The following DOCK6 variants were observed in gnomAD, a reference collection of about 807,000 sequenced individuals.
DOCK6 encodes the protein dedicator of cytokinesis protein 6.
DOCK6 carries 167 observed loss-of-function variants against 230.3 expected under a neutral mutation model. The ratio of observed to expected loss-of-function variants is 0.73; its 90% CI spans 0.64 to 0.82. The LOEUF is 0.82. Among genes scored for constraint, DOCK6 ranks in the 40% least tolerant of loss-of-function variants. DOCK6 has a pLI of 0.00. For missense variants in DOCK6, 2,598 were observed against 2,825.8 expected, an observed-to-expected ratio of 0.92 and a Z score of 1.83; for synonymous variants, 1,148 against 1,185.0, an observed-to-expected ratio of 0.97 and a Z score of 0.64.
intron 39 of DOCK6, among the ~76,000 whole-genome samples, chr19:11,204,630 C>G: frequency 6.6e-6 from 1 of 152,136 alleles, no homozygotes; most frequent in East Asian, 1.9e-4. Context: ...ACCTCCAACT[C>G]CTGGGCTCAA....
At position 11,222,019 on chromosome 19, in the gene DOCK6, C is replaced by G. The variant is rs2079587796; in HGVS notation, c.3382G>C (p.Ala1128Pro). 6.2e-7 allele frequency: 1 copy of G among 1,609,794 alleles called. No homozygotes were observed. Among genetic ancestry groups the G allele is most frequent in the African/African-American group, 1.3e-5 (1 of 74,848 alleles). Residue 1128 changes from alanine to proline, a missense_variant and splice_region_variant, in exon 28 of 48, where the codon GCA becomes CCA. By Grantham distance (27) the Ala-to-Pro change is conservative. Coordinates refer to ENST00000294618, the MANE Select transcript of DOCK6 (RefSeq NM_020812.4). This position sits in a 1 kb window ranked among gnomAD's most constrained non-coding sequence, Gnocchi z 4.0. Reference protein sequence around the residue: ...ALALEPEAEGAFLLHKKAISA... With the variant: ...ALALEPEAEGPFLLHKKAISA... Reference sequence around the variant, plus strand: ...ATGGCCTTCTTGTGCAACAGGAATGCCCTATGGGGTAATGAGGTGCTCAGG... The same window carrying G: ...ATGGCCTTCTTGTGCAACAGGAATGGCCTATGGGGTAATGAGGTGCTCAGG...
intron 28 of DOCK6, 72 bp downstream of exon 28, chr19:11,221,779 C>T (rs2079581473): frequency 6.2e-7 from 1 of 1,608,308 alleles, no homozygotes; most frequent in South Asian, 1.1e-5. Context: ...TGTTCTCCCA[C>T]CTTTACTATC....
Position 11,210,143 on chromosome 19 carries a change from T to C in DOCK6, c.4752-1040A>G, listed in dbSNP as rs73925143. Among the ~76,000 whole-genome samples, 348 of 136,432 alleles carry C rather than the reference T, an allele frequency of 2.6e-3. 2 individuals carry two copies. Among genetic ancestry groups the C allele is most frequent in the African/African-American group, 9.2e-3 (328 of 35,524 alleles). 89.5% of individuals were successfully genotyped at this position (136,432 alleles called of 152,430 possible). On this transcript the variant is annotated intron_variant, in intron 37 of 47. Coordinates refer to ENST00000294618, the MANE Select transcript of DOCK6 (RefSeq NM_020812.4). ...TCTATCCCCTTACCTGTCCACTCTC[T>C]CACCTGTCCACCCCTCACCTGCCCA...
chr19:11,219,164 A>G (rs1334653943), intron 28 of DOCK6, among the ~76,000 whole-genome samples: 1 of 129,982 alleles, frequency 7.7e-6, no homozygotes, highest in East Asian at 2.3e-4. Flanking sequence ...GGCATGAGCC[A>G]CTGCGCCCGG....
In DOCK6 at chr19:11,201,075, T is replaced by C. The variant is rs563084165; in HGVS notation, c.5689-23A>G. On this transcript the variant is annotated intron_variant, in intron 44 of 47. Transcript: ENST00000294618. This position sits in a 1 kb window ranked among gnomAD's most constrained non-coding sequence, Gnocchi z 4.3. ...CGTCTGTGGGGTAAGGGGAGGGGTGTGTACTCGCTGGGGCCTGAGGAGGTC... is the reference window on the plus strand; with the variant it reads ...CGTCTGTGGGGTAAGGGGAGGGGTGCGTACTCGCTGGGGCCTGAGGAGGTC... 9 of 1,611,728 alleles carry C rather than the reference T, an allele frequency of 5.6e-6. No individual in the cohort carries two copies. The East Asian group carries it at 1.3e-4, about 24-fold the overall frequency.
chr19:11,212,263 T>C, intron 35 of DOCK6, 112 bp from the exon 36 acceptor site: 1 of 1,235,034 alleles, frequency 8.1e-7, no homozygotes. Flanking sequence ...TTTTTTGAGA[T>C]GGGGGTCTCA....
chr19:11,237,403 G>A (rs950308751), intron 18 of DOCK6, 53 bp downstream of exon 18: 58 of 1,600,674 alleles, frequency 3.6e-5, no homozygotes, highest in South Asian at 1.5e-4. Context: ...CAGGTGACTC[G>A]GGAGTGCTTC....
intron 23 of DOCK6, 82 bp from the exon 24 acceptor site, chr19:11,227,559 G>A: frequency 6.7e-7 from 1 of 1,490,170 alleles, no homozygotes; most frequent in Non-Finnish European, 9.0e-7. Context: ...GGGCTTGAAG[G>A]GCTGTGGGTG....
At chr19:11,227,040 G>A (rs763468358) in intron 24 of DOCK6, among the ~76,000 whole-genome samples, 1 of 152,194 alleles carries the variant, frequency 6.6e-6, no homozygotes, top group Non-Finnish European at 1.5e-5. Flanking sequence ...TGCCTGGAAT[G>A]CTCTTTCCCC....
intron 22 of DOCK6, 132 bp from the exon 23 acceptor site, chr19:11,229,167 G>A: frequency 1.7e-6 from 2 of 1,203,914 alleles, no homozygotes; most frequent in Non-Finnish European, 2.3e-6. Context: ...GGAGGAGGGG[G>A]ACAAGAGGAG....
At chr19:11,213,352 C>CA in intron 34 of DOCK6, 24 bp from the exon 35 acceptor site, 1 of 1,603,108 alleles carries the variant, frequency 6.2e-7, no homozygotes, top group Non-Finnish European at 8.5e-7. Flanking sequence ...CCCAGACAGA[C>CA]ACTGTCCAGC....
intron 1 of DOCK6, among the ~76,000 whole-genome samples, chr19:11,260,670 G>T (rs1417913562): frequency 6.6e-6 from 1 of 151,270 alleles, no homozygotes. Flanking sequence ...ATCACCTGAG[G>T]TCAGGAGTTC....
At position 11,250,863 on chromosome 19, in the gene DOCK6, G is replaced by A; in HGVS notation, c.720+11C>T. 6.3e-7 allele frequency: 1 copy of A among 1,591,292 alleles called. No homozygotes were observed. The highest frequency in any genetic ancestry group is 8.6e-7 in the Non-Finnish European group (1 of 1,162,330). ...ATGCTGGTTGGCTGATATCTGGGAA[G>A]GGGCACCCACCTCGTCAGGTGCCGG... On this transcript the variant is annotated intron_variant, in intron 6 of 47. Transcript: ENST00000294618.
At chr19:11,248,690 C>T (rs1599281271) in intron 6 of DOCK6, among the ~76,000 whole-genome samples, 1 of 152,134 alleles carries the variant, frequency 6.6e-6, no homozygotes, top group South Asian at 2.1e-4. Flanking sequence ...GGACAATTAC[C>T]AGCACCTCAT....
At position 11,212,035 on chromosome 19, in the gene DOCK6, A is replaced by G. The variant is rs1257034271; in HGVS notation, c.4608T>C (p.Ala1536=). ...TGTCCCGCAGCCCCATGTCCTCCTC[A>G]GCATAGGTGAGGATGGTTTTGAGTG... ...RRSLKTILTY[A]EEDMGLRDST... The change falls in exon 36 of 48, where the codon GCT becomes GCC. Residue 1536 remains alanine, a synonymous_variant. Transcript: ENST00000294618. The G allele has an allele frequency of 5.6e-6, 9 of 1,609,920 alleles. No homozygotes were observed. The highest frequency in any genetic ancestry group is 5.9e-6 in the Non-Finnish European group (7 of 1,178,626).
At position 11,236,588 on chromosome 19, in the gene DOCK6, A is replaced by G; in HGVS notation, c.2161-11T>C. On this transcript the variant is annotated splice_polypyrimidine_tract_variant and intron_variant, in intron 19 of 47. Transcript: ENST00000294618. The surrounding 1 kb of genome is among the most constrained non-coding windows in gnomAD (Gnocchi z 5.2). ...GTCCAGGTAGGGGTCCTGGGTAGGG[A>G]TGTGGAGTGAGCAGGGTGGGGCCTC... 6.4e-7 allele frequency: 1 copy of G among 1,568,600 alleles called. No homozygotes were observed. Among genetic ancestry groups the G allele is most frequent in the Non-Finnish European group, 8.6e-7 (1 of 1,156,482 alleles).
chr19:11,216,131 G>A (rs564693580), intron 30 of DOCK6: 105 of 463,316 alleles, frequency 2.3e-4, no homozygotes, highest in South Asian at 1.6e-3. Flanking sequence ...TCATTCTGTC[G>A]CCCAGGGTGA....
At chr19:11,260,876 C>G (rs2080272812) in intron 1 of DOCK6, among the ~76,000 whole-genome samples, 1 of 6,046 alleles carries the variant, frequency 1.7e-4, no homozygotes, top group Admixed American at 2.7e-3. Context: ...GAGCGAGACT[C>G]TGTCTCAAAA....
rs199533649 is a variant in DOCK6 at position 11,217,325 on chromosome 19, A to G, written c.3617T>C (p.Ile1206Thr). 172 of 1,613,552 alleles carry G rather than the reference A, an allele frequency of 1.1e-4. 1 individual carries two copies. In the East Asian group the frequency reaches 3.8e-3, roughly 36 times the overall value. ...LDSDTEGEGD[I>T]AGTINPSVAM... ...CACAGAGGGGTTGATGGTACCCGCA[A>G]TGTCCCCTTCGCCTTCTGTGTCTGA... Residue 1206 changes from isoleucine (I) to threonine (T), a missense_variant, in exon 29 of 48, where the codon ATT becomes ACT. Transcript: ENST00000294618.
Sources: gnomAD v4.1 joint callset for allele counts (sites outside exome capture counted in the v4.1 genomes callset) on GRCh38, gnomAD v4.1.1 for gene constraint, Gnocchi (gnomAD v3.1) non-coding constraint, MANE v1.5 for transcripts, NCBI Gene and HGNC (gene_info 2026-07-23, HGNC 2026-07-21) for gene names.